Variants in LRRCC1 observed in about 807,000 individuals in gnomAD.
The protein encoded by LRRCC1 is leucine rich repeat and coiled-coil centrosomal protein 1.
In LRRCC1, 115 loss-of-function variants were observed where a neutral mutation model predicts 126.0. The observed-to-expected ratio is 0.91, with a 90% confidence interval of 0.78 to 1.07. The LOEUF (loss-of-function observed/expected upper bound fraction) is 1.07. LRRCC1 is among the 50% of genes least tolerant of loss of function. LRRCC1 has a pLI of 0.00. For missense variants in LRRCC1, 1,172 were observed against 1,175.7 expected, an observed-to-expected ratio of 1.00 and a Z score of 0.05; for synonymous variants, 400 against 393.4, an observed-to-expected ratio of 1.02 and a Z score of -0.20.
chr8:85,119,544 T>C (rs1046055036), intron 6 of LRRCC1, among the ~76,000 whole-genome samples: 4 of 151,306 alleles, frequency 2.6e-5, no homozygotes, highest in African/African-American at 9.7e-5. Context: ...CAAGCTGGAG[T>C]ACAGTGGCCT....
At chr8:85,135,705 AT>A in intron 13 of LRRCC1, 83 bp from the exon 14 acceptor site, 1 of 912,420 alleles carries the variant, frequency 1.1e-6, no homozygotes. Context: ...CTTAAATAAC[AT>A]TTTTTCTCAT....
chr8:85,123,745 G>C, intron 7 of LRRCC1, 139 bp downstream of exon 7: 1 of 613,792 alleles, frequency 1.6e-6, no homozygotes, highest in Admixed American at 3.6e-5. Context: ...GTTCTGATCT[G>C]GTCAGTACAT....
intron 3 of LRRCC1, 69 bp from the exon 4 acceptor site, chr8:85,112,863 C>A (rs963904028): frequency 1.5e-5 from 18 of 1,173,832 alleles, no homozygotes; most frequent in African/African-American, 4.7e-5. Flanking sequence ...ACCTATCTAG[C>A]AATTATTTCT....
chr8:85,129,624 C>T (rs901122730), intron 10 of LRRCC1, among the ~76,000 whole-genome samples: 6 of 152,268 alleles, frequency 3.9e-5, no homozygotes, highest in African/African-American at 1.4e-4. Context: ...GGCTTTTATT[C>T]TGAGAGAGCT....
chr8:85,117,286 C>A (rs1809198146), intron 6 of LRRCC1, among the ~76,000 whole-genome samples: 1 of 152,190 alleles, frequency 6.6e-6, no homozygotes, highest in South Asian at 2.1e-4. Flanking sequence ...CAATCAAATT[C>A]TTCAACTATG....
chr8:85,123,709 G>A, intron 7 of LRRCC1, 103 bp downstream of exon 7: 1 of 868,532 alleles, frequency 1.2e-6, no homozygotes, highest in Non-Finnish European at 1.7e-6. Context: ...TACTAATGTT[G>A]AAGATTTGAT....
At chr8:85,108,098 C>A (rs532464689) in intron 1 of LRRCC1, among the ~76,000 whole-genome samples, 1 of 152,346 alleles carries the variant, frequency 6.6e-6, no homozygotes, top group Admixed American at 6.5e-5. Context: ...TCCACTTACA[C>A]TTTATTTACC....
rs773183506 is a variant in LRRCC1 at position 85,135,901 on chromosome 8, A to G, written c.2267A>G (p.Glu756Gly). The G allele has an allele frequency of 6.2e-6, 10 of 1,608,484 alleles. No homozygotes were observed. The highest frequency in any genetic ancestry group is 3.4e-5 in the Admixed American group (2 of 59,516). ...VQLISELAAKESLIFGLRTER... is the reference protein window; with the variant it reads ...VQLISELAAKGSLIFGLRTER... Reference sequence around the variant, plus strand: ...CTTATTTCTGAGCTAGCAGCCAAGGAATCACTAATATTTGGTTTAAGGACA... The same window carrying G: ...CTTATTTCTGAGCTAGCAGCCAAGGGATCACTAATATTTGGTTTAAGGACA... The change falls in exon 14 of 19, where the codon GAA becomes GGA. Residue 756 changes from glutamate (E) to glycine (G), a missense_variant. Glu to Gly is a moderately conservative substitution (Grantham distance 98). Coordinates refer to ENST00000360375, the MANE Select transcript of LRRCC1 (RefSeq NM_033402.5).
chr8:85,140,584 T>C (rs1434143987), intron 17 of LRRCC1, among the ~76,000 whole-genome samples: 1 of 152,364 alleles, frequency 6.6e-6, no homozygotes, highest in African/African-American at 2.4e-5. Context: ...ACCTCCAGGA[T>C]ACTTTTAGTA....
intron 18 of LRRCC1, among the ~76,000 whole-genome samples, chr8:85,144,656 G>A (rs1811538049): frequency 6.8e-6 from 1 of 147,046 alleles, no homozygotes; most frequent in Admixed American, 6.8e-5. Flanking sequence ...CAAAGGCAGG[G>A]TTTCTCCATG....
intron 6 of LRRCC1, among the ~76,000 whole-genome samples, chr8:85,122,446 A>G (rs866566594): frequency 3.9e-5 from 6 of 152,098 alleles, no homozygotes; most frequent in Middle Eastern, 3.2e-3. Flanking sequence ...TGTATTCTTC[A>G]TATCAAATAA....
chr8:85,137,211 T>A (rs1810936720), intron 14 of LRRCC1, among the ~76,000 whole-genome samples: 1 of 152,194 alleles, frequency 6.6e-6, no homozygotes, highest in Non-Finnish European at 1.5e-5. Flanking sequence ...TTGAATGTCA[T>A]AACATGAATT....
intron 9 of LRRCC1, among the ~76,000 whole-genome samples, chr8:85,127,095 G>A (rs1810071206): frequency 6.6e-6 from 1 of 152,192 alleles, no homozygotes; most frequent in Admixed American, 6.5e-5. Context: ...AGAGACTAGA[G>A]CAGTGATTAA....
intron 15 of LRRCC1, 57 bp from the exon 16 acceptor site, chr8:85,137,978 C>G (rs1810988487): frequency 1.2e-6 from 1 of 835,238 alleles, no homozygotes; most frequent in Non-Finnish European, 1.9e-6. Context: ...ATCTAATTAA[C>G]CAGAATATGA....
intron 1 of LRRCC1, chr8:85,108,874 C>T (rs1808474425): frequency 6.6e-6 from 1 of 151,988 alleles, no homozygotes; most frequent in African/African-American, 2.4e-5. Flanking sequence ...TCAGGAGAAG[C>T]TTCAGTTATA....
rs1587401422 is a variant in LRRCC1, at chr8:85,124,688, CTTTTT to C, written c.1125-103_1125-99del. 4.7e-6 allele frequency: 3 copies of C among 633,192 alleles called. No individual in the cohort carries two copies. In the East Asian group the frequency reaches 9.2e-5, roughly 19 times the overall value. The allele number at this position is 633,192 out of a possible 1,614,324, so 39.2% of individuals were successfully genotyped here. ...AAGTTACTATAATTTTATTAATATT[CTTTTT>C]AAAAAGCTGTTTGCATATACAACTA... On this transcript the variant is annotated intron_variant, in intron 7 of 18. Coordinates refer to ENST00000360375, the MANE Select transcript of LRRCC1 (RefSeq NM_033402.5).
chr8:85,130,102 GA>G, intron 11 of LRRCC1, 44 bp downstream of exon 11: 1 of 1,159,412 alleles, frequency 8.6e-7, no homozygotes, highest in Non-Finnish European at 1.2e-6. Context: ...TTTAAAAAAA[GA>G]AAAAGAAAGC....
chr8:85,110,100 ACTT>A lies in LRRCC1; in HGVS notation c.311-14_311-12del, dbSNP rs751119621. ...TTTTATAAAGGCTTTATTTTATTTT[ACTT>A]TTTTTTTTTAGGACTTGAAGAACTA... is the stretch of plus-strand genomic sequence containing the variant. On this transcript the variant is annotated splice_polypyrimidine_tract_variant and intron_variant, in intron 2 of 18. Coordinates refer to ENST00000360375, the MANE Select transcript of LRRCC1 (RefSeq NM_033402.5). The A allele has an allele frequency of 2.0e-6, 2 of 1,022,468 alleles. No individual in the cohort carries two copies. The highest frequency in any genetic ancestry group is 4.8e-5 in the Admixed American group (2 of 41,314). 63.3% of individuals were successfully genotyped at this position (1,022,468 alleles called of 1,614,324 possible). A position where few individuals can be genotyped will look rare whatever the true frequency, so the allele number is the denominator to read the frequency against.
rs546110352 is a variant in LRRCC1 at position 85,134,511 on chromosome 8, G to A, written c.1969-336G>A. Among the ~76,000 whole-genome samples, 81 of 152,182 alleles carry A rather than the reference G, an allele frequency of 5.3e-4. 2 individuals are homozygous for A. In the South Asian group the frequency reaches 0.015, roughly 28 times the overall value. On this transcript the variant is annotated intron_variant, in intron 12 of 18. Coordinates refer to ENST00000360375, the MANE Select transcript of LRRCC1 (RefSeq NM_033402.5). ...ATTTTTGTATTTTTAGTAGAGATAG[G>A]GTTTTACCATTTTGGCCAGGCTGGT...
Sources: allele counts gnomAD v4.1 joint callset (sites outside exome capture counted in the v4.1 genomes callset), GRCh38; gene constraint gnomAD v4.1.1; transcripts MANE v1.5; gene names NCBI Gene and HGNC (gene_info 2026-07-23, HGNC 2026-07-21).